The following ATP10B variants were observed in gnomAD, a reference collection of about 807,000 sequenced individuals.
ATP10B encodes ATPase phospholipid transporting 10B (putative).
ATP10B carries 122 observed loss-of-function variants against 141.2 expected under a neutral mutation model. That is an observed-to-expected ratio of 0.86 (90% confidence interval 0.75 to 1.00). The LOEUF (loss-of-function observed/expected upper bound fraction) is 1.00, where lower values mean the gene tolerates loss of function less well. Ranked by LOEUF, ATP10B falls within the 50% of genes least tolerant of loss-of-function variation. The pLI is 0.00. For missense variants in ATP10B, 1,876 were observed against 1,825.3 expected, an observed-to-expected ratio of 1.03 and a Z score of -0.51; for synonymous variants, 685 against 692.0, an observed-to-expected ratio of 0.99 and a Z score of 0.16.
intron 1 of ATP10B, among the ~76,000 whole-genome samples, chr5:160,819,448 G>GA (rs1209140767): frequency 6.6e-6 from 1 of 152,082 alleles, no homozygotes; most frequent in East Asian, 1.9e-4. Context: ...CCCATCTGAA[G>GA]AAAATGACAT....
At chr5:160,632,407 C>A (rs368364203) in intron 12 of ATP10B, 40 bp from the exon 13 acceptor site, 1 of 1,586,098 alleles carries the variant, frequency 6.3e-7, no homozygotes, top group African/African-American at 1.3e-5. Flanking sequence ...AGTTGTACCT[C>A]GGCTGGACCA....
chr5:160,730,929 G>A lies in ATP10B; in HGVS notation c.-330-13895C>T, dbSNP rs76379490. On this transcript the variant is annotated intron_variant, in intron 2 of 25. Transcript: ENST00000327245. ...ACCTTGAGCCTCTGCTGCTGAGGCC[G>A]CTGGAGTTGTCCTGGCCCCTGTCCT... 4.8e-3 allele frequency among the ~76,000 whole-genome samples: 724 copies of A among 152,280 alleles called. 5 individuals carry two copies. The highest frequency in any genetic ancestry group is 0.017 in the African/African-American group (688 of 41,546).
chr5:160,848,554 CT>C (rs981868461), intron 1 of ATP10B, among the ~76,000 whole-genome samples: 2 of 152,156 alleles, frequency 1.3e-5, no homozygotes, highest in Non-Finnish European at 2.9e-5. Context: ...TGTATTTTAA[CT>C]TTTTTGATTA....
intron 2 of ATP10B, among the ~76,000 whole-genome samples, chr5:160,755,875 AT>A (rs1293562411): frequency 1.8e-5 from 2 of 113,716 alleles, no homozygotes; most frequent in African/African-American, 8.8e-5. Flanking sequence ...ATATATATAT[AT>A]ATTATAATTT....
chr5:160,841,363 A>C (rs1282493258), intron 1 of ATP10B, among the ~76,000 whole-genome samples: 2 of 152,206 alleles, frequency 1.3e-5, no homozygotes, highest in Admixed American at 1.3e-4. Flanking sequence ...GAAGTAAGAG[A>C]ATATGTGTAC....
At chr5:160,911,371 G>A in the ATP10B span, among the ~76,000 whole-genome samples, 1 of 152,168 alleles carries the variant, frequency 6.6e-6, no homozygotes, top group Non-Finnish European at 1.5e-5. Flanking sequence ...ATAAACATGA[G>A]CTTCAATGGA....
At chr5:160,565,958 A>T in intron 25 of ATP10B, 58 bp from the exon 26 acceptor site, 1 of 1,477,476 alleles carries the variant, frequency 6.8e-7, no homozygotes, top group Non-Finnish European at 9.1e-7. Context: ...CATAAACTTC[A>T]GCATTAAAAG....
At chr5:160,593,125 GTGACCCC>G (rs1256420521) in intron 22 of ATP10B, among the ~76,000 whole-genome samples, 1 of 152,144 alleles carries the variant, frequency 6.6e-6, no homozygotes, top group Non-Finnish European at 1.5e-5. Flanking sequence ...AAGTGGGTCC[GTGACCCC>G]TGACCCCTGA....
At position 160,785,730 on chromosome 5, in the gene ATP10B, A is replaced by G; in HGVS notation, c.-502T>C. 7.9e-7 allele frequency: 1 copy of G among 1,264,698 alleles called. No homozygotes were observed. The allele number at this position is 1,264,698 out of a possible 1,614,324, so 78.3% of individuals were successfully genotyped here. On this transcript the variant is annotated 5_prime_UTR_variant, in exon 2 of 26. Coordinates refer to ENST00000327245, the MANE Select transcript of ATP10B (RefSeq NM_025153.3). ...AGTGAGATGAATAATAGGAAAAACT[A>G]CTTACTCTTCACACTGTTGCTTTCA...
intron 2 of ATP10B, among the ~76,000 whole-genome samples, chr5:160,751,369 T>G (rs750397915): frequency 6.6e-6 from 1 of 152,112 alleles, no homozygotes; most frequent in African/African-American, 2.4e-5. Flanking sequence ...CTTCAAAATA[T>G]TTGACAAAAA....
At chr5:160,769,791 C>T (rs1397639958) in intron 2 of ATP10B, among the ~76,000 whole-genome samples, 2 of 152,182 alleles carry the variant, frequency 1.3e-5, no homozygotes, top group African/African-American at 4.8e-5. Flanking sequence ...TGCCATAGCA[C>T]AATCAGACCA....
intron 8 of ATP10B, among the ~76,000 whole-genome samples, chr5:160,648,060 C>G (rs564230124): frequency 6.6e-6 from 1 of 152,198 alleles, no homozygotes; most frequent in Non-Finnish European, 1.5e-5. Context: ...CAAAAGACCC[C>G]CATATAAGTC....
intron 1 of ATP10B, among the ~76,000 whole-genome samples, chr5:160,812,500 G>A (rs1178756883): frequency 6.6e-6 from 1 of 152,064 alleles, no homozygotes; most frequent in Non-Finnish European, 1.5e-5. Context: ...AAGAAATCAG[G>A]ATAACACAGA....
At chr5:160,597,639 C>A (rs1247182737) in intron 22 of ATP10B, among the ~76,000 whole-genome samples, 27 of 151,954 alleles carry the variant, frequency 1.8e-4, no homozygotes, top group Admixed American at 2.6e-4. Context: ...TTTTTGCAAC[C>A]TACTCATCTG....
intron 1 of ATP10B, among the ~76,000 whole-genome samples, chr5:160,800,479 G>A (rs1772301824): frequency 4.6e-5 from 7 of 152,154 alleles, no homozygotes; most frequent in Admixed American, 3.9e-4. Context: ...CTTGTCCTTT[G>A]TTAAACAGCT....
chr5:160,753,126 T>C (rs1294435224), intron 2 of ATP10B, among the ~76,000 whole-genome samples: 4 of 152,190 alleles, frequency 2.6e-5, no homozygotes, highest in Non-Finnish European at 4.4e-5. Context: ...GAATCATTGA[T>C]TCAAAAAGTT....
At position 160,636,351 on chromosome 5, in the gene ATP10B, A is replaced by G. The variant is rs766420690; in HGVS notation, c.1001-42T>C. On this transcript the variant is annotated intron_variant, in intron 10 of 25. Coordinates refer to ENST00000327245, the MANE Select transcript of ATP10B (RefSeq NM_025153.3). ...CCAGGAATGAGGCTGAATCTCTACT[A>G]AGTCCTAAAGTTGGTCAATTATACC... 4.4e-6 allele frequency: 7 copies of G among 1,587,272 alleles called. No homozygotes were observed. The South Asian group carries it at 8.1e-5, about 18-fold the overall frequency.
intron 1 of ATP10B, among the ~76,000 whole-genome samples, chr5:160,829,957 T>C (rs1183615959): frequency 6.6e-6 from 1 of 152,132 alleles, no homozygotes. Flanking sequence ...TTTCTCTTGC[T>C]GATTGCTCTG....
intron 22 of ATP10B, among the ~76,000 whole-genome samples, chr5:160,595,247 C>T (rs1489237943): frequency 2.0e-5 from 3 of 152,146 alleles, no homozygotes; most frequent in Non-Finnish European, 4.4e-5. Flanking sequence ...TCACTCAAAA[C>T]CACTCAACTA....
Sources: allele counts gnomAD v4.1 joint callset (sites outside exome capture counted in the v4.1 genomes callset), GRCh38; gene constraint gnomAD v4.1.1; transcripts MANE v1.5; gene names NCBI Gene and HGNC (gene_info 2026-07-23, HGNC 2026-07-21).